LHX8: variants seen among roughly 807,000 people sequenced by gnomAD.
LHX8 encodes LIM homeobox 8, also known as LIM/homeobox protein Lhx8.
Under a neutral mutation model 40.3 loss-of-function variants are expected in LHX8, and 12 were observed. The observed-to-expected ratio is 0.30, with a 90% CI of 0.19 to 0.48. LHX8 has a LOEUF of 0.48. LHX8 is among the 20% of genes least tolerant of loss of function. The pLI, the probability that LHX8 is intolerant of heterozygous loss-of-function variation, is 0.99. For missense variants in LHX8, 344 were observed against 433.7 expected (o/e 0.79, Z 1.84); for synonymous variants, 179 against 162.0 (o/e 1.10, Z -0.80).
downstream of LHX8, among the ~76,000 whole-genome samples, chr1:75,166,350 G>A (rs1399403638): frequency 6.6e-6 from 1 of 152,186 alleles, no homozygotes; most frequent in Admixed American, 6.5e-5. Context: ...GTGACCTTCT[G>A]TGATTTGGAT....
At chr1:75,151,264 G>C (rs1424674074) in intron 7 of LHX8, among the ~76,000 whole-genome samples, 1 of 152,150 alleles carries the variant, frequency 6.6e-6, no homozygotes, top group Non-Finnish European at 1.5e-5. Context: ...TGACTGCAAG[G>C]TAATGAGGCT....
At chr1:75,183,200 G>A in the LHX8 span, 1 of 152,132 alleles carries the variant, frequency 6.6e-6, no homozygotes, top group African/African-American at 2.4e-5. Flanking sequence ...CTTGAAAACT[G>A]TTCCAGGTTA....
At chr1:75,171,195 AT>A in the LHX8 span, among the ~76,000 whole-genome samples, 6 of 151,542 alleles carry the variant, frequency 4.0e-5, no homozygotes, top group East Asian at 1.9e-4. Flanking sequence ...CCTTTTGTTG[AT>A]TTTTTTTTAA....
At chr1:75,193,563 T>G in the LHX8 span, among the ~76,000 whole-genome samples, 1 of 152,192 alleles carries the variant, frequency 6.6e-6, no homozygotes, top group Non-Finnish European at 1.5e-5. Flanking sequence ...AGGTTTCCGT[T>G]TTAATCTAAT....
the LHX8 span, among the ~76,000 whole-genome samples, chr1:75,177,550 C>T: frequency 6.6e-6 from 1 of 152,162 alleles, no homozygotes; most frequent in Non-Finnish European, 1.5e-5. Context: ...GCTGAAGTTG[C>T]TTATCAGCTT....
At chr1:75,180,487 A>G in the LHX8 span, among the ~76,000 whole-genome samples, 1 of 152,270 alleles carries the variant, frequency 6.6e-6, no homozygotes, top group East Asian at 1.9e-4. Context: ...TGAATCAGGT[A>G]CTGATGCTTT....
At chr1:75,148,542 C>A in intron 6 of LHX8, 45 bp from the exon 7 acceptor site, 1 of 1,294,802 alleles carries the variant, frequency 7.7e-7, no homozygotes, top group Non-Finnish European at 1.1e-6. Flanking sequence ...GAAGACTGAG[C>A]TGCTTGTTTT....
chr1:75,183,026 A>G, the LHX8 span: 4 of 152,144 alleles, frequency 2.6e-5, no homozygotes, highest in African/African-American at 9.7e-5. Context: ...CCTTGCTGTT[A>G]TTACAAAACT....
chr1:75,158,237 T>C (rs555884743), intron 8 of LHX8, among the ~76,000 whole-genome samples: 2 of 152,336 alleles, frequency 1.3e-5, no homozygotes, highest in Admixed American at 6.5e-5. Flanking sequence ...TTGTCTTTAT[T>C]ATTTATTTAA....
At chr1:75,186,845 G>A in the LHX8 span, among the ~76,000 whole-genome samples, 11 of 152,226 alleles carry the variant, frequency 7.2e-5, no homozygotes, top group South Asian at 2.3e-3. Context: ...GAAAACTGAA[G>A]CATAGAAAGT....
At chr1:75,148,498 G>T in intron 6 of LHX8, 89 bp from the exon 7 acceptor site, 1 of 871,278 alleles carries the variant, frequency 1.1e-6, no homozygotes, top group African/African-American at 1.7e-5. Context: ...ATGTTCTTGT[G>T]CATGTCTTAC....
chr1:75,180,853 G>A, the LHX8 span, among the ~76,000 whole-genome samples: 5 of 152,142 alleles, frequency 3.3e-5, no homozygotes, highest in Non-Finnish European at 7.3e-5. Context: ...TTTTGATGAT[G>A]GTGACCTACA....
the LHX8 span, among the ~76,000 whole-genome samples, chr1:75,177,000 T>A: frequency 2.0e-5 from 3 of 152,166 alleles, no homozygotes; most frequent in Admixed American, 6.5e-5. Flanking sequence ...GTGGTGTTAT[T>A]TCTGAGAGCT....
At chr1:75,183,891 T>G in the LHX8 span, among the ~76,000 whole-genome samples, 1 of 152,316 alleles carries the variant, frequency 6.6e-6, no homozygotes, top group South Asian at 2.1e-4. Context: ...CCATCTCACA[T>G]GCAATTACAT....
the LHX8 span, among the ~76,000 whole-genome samples, chr1:75,178,034 C>A: frequency 2.6e-5 from 4 of 152,170 alleles, no homozygotes; most frequent in Non-Finnish European, 5.9e-5. Context: ...CCAACTTGAT[C>A]TTGATGGATA....
the LHX8 span, among the ~76,000 whole-genome samples, chr1:75,169,743 G>A: frequency 6.6e-6 from 1 of 152,180 alleles, no homozygotes; most frequent in African/African-American, 2.4e-5. Context: ...CTCTGGTCTG[G>A]AGAAGGCCAA....
At chr1:75,151,785 TGGAAGCAAAG>T (rs1253441918) in intron 7 of LHX8, among the ~76,000 whole-genome samples, 1 of 152,234 alleles carries the variant, frequency 6.6e-6, no homozygotes, top group South Asian at 2.1e-4. Flanking sequence ...ATTTTGAAGT[TGGAAGCAAAG>T]AAGAAGGAGA....
Position 75,141,125 on chromosome 1 carries a change from T to A in LHX8, c.359+19T>A. 6.2e-7 allele frequency: 1 copy of A among 1,610,998 alleles called. No individual in the cohort carries two copies. The highest frequency in any genetic ancestry group is 8.5e-7 in the Non-Finnish European group (1 of 1,178,480). On this transcript the variant is annotated intron_variant, in intron 4 of 8. Transcript: ENST00000356261. ...ATTTCAGGTATGCTGTGAAGCTTTT[T>A]CTTAGTAGATACTTGAATAAATTAT...
At chr1:75,167,212 C>A in the LHX8 span, among the ~76,000 whole-genome samples, 1 of 152,220 alleles carries the variant, frequency 6.6e-6, no homozygotes, top group Non-Finnish European at 1.5e-5. Flanking sequence ...CTCGTTTTGC[C>A]ACATCCCACC....
Sources: gnomAD v4.1 joint callset for allele counts (sites outside exome capture counted in the v4.1 genomes callset) on GRCh38, gnomAD v4.1.1 for gene constraint, MANE v1.5 for transcripts, NCBI Gene and HGNC (gene_info 2026-07-23, HGNC 2026-07-21) for gene names.